UMAD1: variants seen among roughly 807,000 people sequenced by gnomAD.
The protein encoded by UMAD1 is UBAP1-MVB12-associated (UMA)-domain containing protein 1.
Under a neutral mutation model 6.1 loss-of-function variants are expected in UMAD1, and 8 were observed. The observed-to-expected ratio is 1.30, with a 90% CI of 0.76 to 2.35. The LOEUF is 2.35. Among genes scored for constraint, UMAD1 ranks in the 30% most tolerant of loss-of-function variants. UMAD1 has a pLI of 0.00. For synonymous variants in UMAD1, 56 were observed against 31.4 expected, an observed-to-expected ratio of 1.78 and a Z score of -2.61; for missense variants, 130 against 78.4, an observed-to-expected ratio of 1.66 and a Z score of -2.49.
At chr7:7,812,511 T>G (rs1177356164) in intron 3 of UMAD1, among the ~76,000 whole-genome samples, 2 of 152,232 alleles carry the variant, frequency 1.3e-5, no homozygotes, top group Non-Finnish European at 2.9e-5. Context: ...ATCTAAGAAC[T>G]GGAACATTGT....
intron 1 of UMAD1, among the ~76,000 whole-genome samples, chr7:7,672,526 AAT>A (rs533763929): frequency 9.2e-5 from 14 of 152,298 alleles, no homozygotes; most frequent in African/African-American, 2.9e-4. Flanking sequence ...GAATTGTATT[AAT>A]GCCCATGTGT....
At chr7:7,862,146 CTG>C (rs1163567776) in intron 3 of UMAD1, among the ~76,000 whole-genome samples, 1 of 152,062 alleles carries the variant, frequency 6.6e-6, no homozygotes, top group African/African-American at 2.4e-5. Flanking sequence ...GTATTTTTGA[CTG>C]TATCTTATGC....
chr7:7,714,353 C>G (rs970895984), intron 2 of UMAD1, among the ~76,000 whole-genome samples: 21 of 152,218 alleles, frequency 1.4e-4, no homozygotes, highest in Non-Finnish European at 2.1e-4. Context: ...GCTGAAGTGT[C>G]AAGCTGTTTG....
At chr7:7,858,125 A>G (rs1784053166) in intron 3 of UMAD1, among the ~76,000 whole-genome samples, 1 of 152,238 alleles carries the variant, frequency 6.6e-6, no homozygotes, top group Admixed American at 6.5e-5. Flanking sequence ...AGACTCAGGT[A>G]GAGAGCTTAA....
At chr7:7,667,413 C>T (rs78641424) in intron 1 of UMAD1, among the ~76,000 whole-genome samples, 4,601 of 152,182 alleles carry the variant, frequency 0.03, 117 homozygotes, top group South Asian at 0.11. Context: ...TAGAGCTTAC[C>T]GCATACTAGG....
Position 7,801,734 on chromosome 7 carries a change from A to C in UMAD1, c.147A>C (p.Gln49His), listed in dbSNP as rs899616277. 3 of 718,054 alleles carry C rather than the reference A, an allele frequency of 4.2e-6. No homozygotes were observed. Among genetic ancestry groups the C allele is most frequent in the Non-Finnish European group, 7.8e-6 (3 of 385,200 alleles). 44.5% of individuals were successfully genotyped at this position (718,054 alleles called of 1,614,324 possible). The change falls in exon 3 of 4, where the codon CAA becomes CAC. Residue 49 changes from glutamine to histidine, a missense_variant. Gln to His is a conservative substitution (Grantham distance 24). Coordinates refer to ENST00000682710, the MANE Select transcript of UMAD1 (RefSeq NM_001302348.2). ...RGKTSDIEANQPLETNKENSS... is the reference protein window; with the variant it reads ...RGKTSDIEANHPLETNKENSS... ...AAACTTCGGACATAGAGGCCAACCA[A>C]CCTTTGGAGGTAAGTGAAACAGAGT...
intron 3 of UMAD1, among the ~76,000 whole-genome samples, chr7:7,831,583 G>C (rs193078397): frequency 2.7e-4 from 41 of 152,200 alleles, no homozygotes; most frequent in Non-Finnish European, 4.7e-4. Flanking sequence ...CGTGAACCAA[G>C]CTCCCCATTG....
chr7:7,692,236 G>A (rs1389267482), intron 2 of UMAD1: 3 of 152,328 alleles, frequency 2.0e-5, no homozygotes, highest in East Asian at 3.8e-4. Flanking sequence ...GGGTGATGGG[G>A]AGGTATAGTC....
intron 2 of UMAD1, among the ~76,000 whole-genome samples, chr7:7,697,411 C>T (rs1780347445): frequency 1.3e-5 from 2 of 152,168 alleles, no homozygotes; most frequent in Non-Finnish European, 2.9e-5. Flanking sequence ...CATTTTATTT[C>T]ATTTCCTGTA....
intron 2 of UMAD1, among the ~76,000 whole-genome samples, chr7:7,723,783 T>G (rs1014547441): frequency 1.3e-5 from 2 of 152,176 alleles, no homozygotes; most frequent in Admixed American, 6.5e-5. Flanking sequence ...AAGGTAGGCA[T>G]AGCTACTGTA....
At chr7:7,682,553 G>A (rs1779938774) in intron 2 of UMAD1, among the ~76,000 whole-genome samples, 1 of 152,192 alleles carries the variant, frequency 6.6e-6, no homozygotes, top group African/African-American at 2.4e-5. Flanking sequence ...GGGACAGTAA[G>A]TCACTTTGAT....
At chr7:7,720,115 C>G (rs1326553748) in intron 2 of UMAD1, among the ~76,000 whole-genome samples, 2 of 152,014 alleles carry the variant, frequency 1.3e-5, no homozygotes, top group African/African-American at 4.8e-5. Context: ...AATACAGTCA[C>G]AAGTATTATT....
At chr7:7,703,168 G>A (rs998966628) in intron 2 of UMAD1, among the ~76,000 whole-genome samples, 7 of 152,114 alleles carry the variant, frequency 4.6e-5, no homozygotes, top group Non-Finnish European at 1.0e-4. Flanking sequence ...AATAATTACT[G>A]GTGCCCACTA....
chr7:7,754,220 A>G (rs1430652716), intron 2 of UMAD1, among the ~76,000 whole-genome samples: 1 of 151,980 alleles, frequency 6.6e-6, no homozygotes, highest in East Asian at 1.9e-4. Flanking sequence ...CAAAACAAAA[A>G]AAACAGTGTA....
chr7:7,848,504 A>C (rs549333295), intron 3 of UMAD1, among the ~76,000 whole-genome samples: 1 of 152,258 alleles, frequency 6.6e-6, no homozygotes, highest in Non-Finnish European at 1.5e-5. Flanking sequence ...ACTTCCACCA[A>C]GGAGGGTAGA....
chr7:7,847,803 A>G (rs1019770831), intron 3 of UMAD1, among the ~76,000 whole-genome samples: 25 of 152,136 alleles, frequency 1.6e-4, no homozygotes. Flanking sequence ...CTTCTGCCTC[A>G]GCCTGTCAAA....
At chr7:7,665,501 A>G (rs1159746613) in intron 1 of UMAD1, among the ~76,000 whole-genome samples, 1 of 152,218 alleles carries the variant, frequency 6.6e-6, no homozygotes. Context: ...GTGACATCTA[A>G]TTGTGTCAAT....
At chr7:7,840,366 A>T (rs1783656568) in intron 3 of UMAD1, among the ~76,000 whole-genome samples, 1 of 152,122 alleles carries the variant, frequency 6.6e-6, no homozygotes, top group South Asian at 2.1e-4. Flanking sequence ...CTTTCATAGA[A>T]TATTGATGCC....
intron 2 of UMAD1, among the ~76,000 whole-genome samples, chr7:7,693,323 C>CTATCTATCTATG (rs1171392434): frequency 5.3e-5 from 8 of 151,972 alleles, no homozygotes; most frequent in African/African-American, 1.7e-4. Context: ...ATCTATCTAT[C>CTATCTATCTATG]TATCTATCTA....
Sources: allele counts gnomAD v4.1 joint callset (sites outside exome capture counted in the v4.1 genomes callset), GRCh38; gene constraint gnomAD v4.1.1; transcripts MANE v1.5; gene names NCBI Gene and HGNC (gene_info 2026-07-23, HGNC 2026-07-21).